ELOVL5: variants seen among roughly 807,000 people sequenced by gnomAD.
ELOVL5 encodes the protein very long chain fatty acid elongase 5.
A neutral mutation model predicts 38.6 loss-of-function variants in ELOVL5; 8 were observed. The observed-to-expected ratio is 0.21, with a 90% CI of 0.12 to 0.37. ELOVL5 has a LOEUF of 0.37. ELOVL5 is among the 10% of genes least tolerant of loss of function. The probability of loss-of-function intolerance (pLI) is 1.00; values close to 1 mark genes in which losing one functional copy is unlikely to be tolerated. For missense variants in ELOVL5, 280 were observed against 367.8 expected, an observed-to-expected ratio of 0.76 and a Z score of 1.95; for synonymous variants, 127 against 133.7, an observed-to-expected ratio of 0.95 and a Z score of 0.34.
intron 3 of ELOVL5, among the ~76,000 whole-genome samples, chr6:53,279,734 TTCA>T (rs1766286048): frequency 6.6e-6 from 1 of 152,206 alleles, no homozygotes; most frequent in Non-Finnish European, 1.5e-5. Flanking sequence ...ATGAAAACTC[TTCA>T]TCATCAATTT....
intron 3 of ELOVL5, among the ~76,000 whole-genome samples, chr6:53,285,677 T>A (rs1354754577): frequency 6.6e-6 from 1 of 152,200 alleles, no homozygotes; most frequent in Non-Finnish European, 1.5e-5. Context: ...GGTGTGGTCA[T>A]AGCTCACCGG....
intron 2 of ELOVL5, among the ~76,000 whole-genome samples, chr6:53,293,043 A>G (rs1402437103): frequency 6.6e-6 from 1 of 152,106 alleles, no homozygotes; most frequent in Non-Finnish European, 1.5e-5. Context: ...GATGGCGGGA[A>G]ACTCCTTGGC....
At chr6:53,298,192 C>T (rs543312953) in intron 1 of ELOVL5, among the ~76,000 whole-genome samples, 3 of 152,124 alleles carry the variant, frequency 2.0e-5, no homozygotes, top group Non-Finnish European at 4.4e-5. Flanking sequence ...ATGGAGGTCA[C>T]AGGGTTCCCT....
At chr6:53,348,294 G>A (rs531754434) in intron 1 of ELOVL5, among the ~76,000 whole-genome samples, 1 of 152,262 alleles carries the variant, frequency 6.6e-6, no homozygotes, top group East Asian at 1.9e-4. Context: ...AGGCCGGAGA[G>A]TCCCCCCAGC....
At chr6:53,324,968 G>A (rs767427627) in intron 1 of ELOVL5, among the ~76,000 whole-genome samples, 12 of 152,100 alleles carry the variant, frequency 7.9e-5, no homozygotes, top group African/African-American at 2.2e-4. Flanking sequence ...TGGCTGGGGC[G>A]GACAGATTAA....
intron 1 of ELOVL5, among the ~76,000 whole-genome samples, chr6:53,327,277 G>C (rs886389001): frequency 6.6e-6 from 1 of 152,036 alleles, no homozygotes; most frequent in Non-Finnish European, 1.5e-5. Context: ...TCACTGCTAG[G>C]TAAATCCAAC....
intron 1 of ELOVL5, among the ~76,000 whole-genome samples, chr6:53,341,269 C>T (rs1769313162): frequency 6.6e-6 from 1 of 152,168 alleles, no homozygotes; most frequent in African/African-American, 2.4e-5. Flanking sequence ...TATTTAGTTA[C>T]TGTCAACAGA....
chr6:53,345,827 G>C (rs2127596454), intron 1 of ELOVL5, among the ~76,000 whole-genome samples: 1 of 152,314 alleles, frequency 6.6e-6, no homozygotes, highest in South Asian at 2.1e-4. Flanking sequence ...CAGAGATGTT[G>C]CAGGAGACAG....
chr6:53,310,305 G>A (rs1192398769), intron 1 of ELOVL5, among the ~76,000 whole-genome samples: 1 of 152,194 alleles, frequency 6.6e-6, no homozygotes, highest in East Asian at 1.9e-4. Flanking sequence ...CTACGTAGCT[G>A]GCTTTTCAAA....
rs1300303079 is a variant in ELOVL5, at chr6:53,348,918, C to T, written c.-110G>A. 4.5e-6 allele frequency: 2 copies of T among 448,212 alleles called. No individual in the cohort carries two copies. The highest frequency in any genetic ancestry group is 4.5e-6 in the Non-Finnish European group (1 of 223,084). 27.8% of individuals were successfully genotyped at this position (448,212 alleles called of 1,614,324 possible). On this transcript the variant is annotated 5_prime_UTR_variant, in exon 1 of 8. Transcript: ENST00000304434. The stretch of plus-strand genomic sequence containing the variant: ...GCGCAGAGGCGGATGTAGAAGGAGA[C>T]ACCGGTGGCTAGGACCCGCGCGATG...
intron 6 of ELOVL5, among the ~76,000 whole-genome samples, chr6:53,271,623 T>C (rs1310674993): frequency 6.6e-6 from 1 of 152,166 alleles, no homozygotes; most frequent in Non-Finnish European, 1.5e-5. Context: ...TGTTTCTATG[T>C]AGAGTTTTTT....
At chr6:53,297,013 G>C (rs938443324) in intron 1 of ELOVL5, among the ~76,000 whole-genome samples, 1 of 152,202 alleles carries the variant, frequency 6.6e-6, no homozygotes, top group African/African-American at 2.4e-5. Context: ...GAGATGGGAC[G>C]TAGAGATAGG....
intron 1 of ELOVL5, among the ~76,000 whole-genome samples, chr6:53,305,473 C>T (rs1216330685): frequency 4.6e-5 from 7 of 150,792 alleles, no homozygotes; most frequent in Admixed American, 2.6e-4. Context: ...AGGGGCTCCT[C>T]ACTTCTCAGA....
intron 1 of ELOVL5, among the ~76,000 whole-genome samples, chr6:53,296,527 A>C: frequency 6.6e-6 from 1 of 152,198 alleles, no homozygotes; most frequent in East Asian, 1.9e-4. Context: ...AGTATAATGT[A>C]CTTAGCTGTG....
chr6:53,278,655 T>C (rs1334579399), intron 3 of ELOVL5, among the ~76,000 whole-genome samples: 1 of 152,030 alleles, frequency 6.6e-6, no homozygotes, highest in Non-Finnish European at 1.5e-5. Context: ...ATAAACCAGG[T>C]ATACACACAA....
At chr6:53,319,131 C>T (rs1028982799) in intron 1 of ELOVL5, among the ~76,000 whole-genome samples, 4 of 151,582 alleles carry the variant, frequency 2.6e-5, no homozygotes, top group South Asian at 2.1e-4. Context: ...ATTAGCTGGG[C>T]GCAGTAGCGG....
chr6:53,305,594 T>C (rs1404051026), intron 1 of ELOVL5, among the ~76,000 whole-genome samples: 1 of 136,742 alleles, frequency 7.3e-6, no homozygotes, highest in Non-Finnish European at 1.6e-5. Context: ...GCTCCCCACA[T>C]CTCAGACGAT....
At chr6:53,347,243 A>G (rs1474844634) in intron 1 of ELOVL5, among the ~76,000 whole-genome samples, 2 of 66,746 alleles carry the variant, frequency 3.0e-5, no homozygotes, top group East Asian at 4.8e-4. Context: ...AACAGTACAG[A>G]AAAAGTTCCT....
At chr6:53,302,144 G>A (rs1288453360) in intron 1 of ELOVL5, among the ~76,000 whole-genome samples, 1 of 152,052 alleles carries the variant, frequency 6.6e-6, no homozygotes, top group Non-Finnish European at 1.5e-5. Context: ...ATACTAACAC[G>A]AGCAGAACAA....
Sources: gnomAD v4.1 joint callset for allele counts (sites outside exome capture counted in the v4.1 genomes callset) on GRCh38, gnomAD v4.1.1 for gene constraint, MANE v1.5 for transcripts, NCBI Gene and HGNC (gene_info 2026-07-23, HGNC 2026-07-21) for gene names.